TCF4: variants seen among roughly 807,000 people sequenced by gnomAD.
TCF4 encodes transcription factor 4.
In TCF4, 3 loss-of-function variants were observed where a neutral mutation model predicts 82.1. The observed-to-expected ratio is 0.04, with a 90% CI of 0.02 to 0.09. TCF4 has a LOEUF of 0.09. Among genes scored for constraint, TCF4 ranks in the 10% least tolerant of loss-of-function variants. TCF4 has a pLI of 1.00. For synonymous variants in TCF4, 276 were observed against 309.6 expected (o/e 0.89, Z 1.14); for missense variants, 518 against 852.7 (o/e 0.61, Z 4.89).
At chr18:55,634,206 T>C (rs1305272104) in intron 1 of TCF4, among the ~76,000 whole-genome samples, 3 of 151,990 alleles carry the variant, frequency 2.0e-5, no homozygotes, top group Non-Finnish European at 4.4e-5. Flanking sequence ...GAGGTGGAGG[T>C]TGCAGTGAGC....
chr18:55,279,740 A>C, intron 8 of TCF4, 84 bp from the exon 9 acceptor site: 3 of 1,591,724 alleles, frequency 1.9e-6, no homozygotes, highest in Non-Finnish European at 2.6e-6. Flanking sequence ...AAGTAGGCAG[A>C]AAGTGCTACA....
chr18:55,588,187 AT>A lies in TCF4; in HGVS notation c.-171del. On this transcript the variant is annotated 5_prime_UTR_variant, in exon 1 of 20. Transcript: ENST00000354452. ...GCCGCCGCCGCCGCCGCCACTACAG[AT>A]CCGCAGACACACAGCCAAGATCCCT... The A allele has an allele frequency of 8.5e-7, 1 of 1,183,412 alleles. No homozygotes were observed. The highest frequency in any genetic ancestry group is 3.1e-5 in the South Asian group (1 of 32,010). 73.3% of individuals were successfully genotyped at this position (1,183,412 alleles called of 1,614,324 possible).
At chr18:55,420,723 C>T (rs1385443962) in intron 5 of TCF4, among the ~76,000 whole-genome samples, 2 of 152,066 alleles carry the variant, frequency 1.3e-5, no homozygotes, top group Non-Finnish European at 2.9e-5. Context: ...GACTAACCTG[C>T]TTTTTCACTT....
rs537369903 is a variant in TCF4 at position 55,470,534 on chromosome 18, A to T, written c.146-6397T>A. 7.9e-5 allele frequency among the ~76,000 whole-genome samples: 12 copies of T among 152,348 alleles called. No homozygotes were observed. In the South Asian group the frequency reaches 2.5e-3, roughly 32 times the overall value. ...TGTAATACACAAATGACATGTTGTC[A>T]GAAGTTATGTATGCTGATCAGAGTC... On this transcript the variant is annotated intron_variant, in intron 3 of 19. Coordinates refer to ENST00000354452, the MANE Select transcript of TCF4 (RefSeq NM_001083962.2).
chr18:55,454,964 A>G (rs2095706733), intron 5 of TCF4, among the ~76,000 whole-genome samples: 1 of 152,084 alleles, frequency 6.6e-6, no homozygotes, highest in Non-Finnish European at 1.5e-5. Flanking sequence ...AAGCAGGCAG[A>G]TCACTTCAGG....
At chr18:55,474,350 G>GA (rs1278196040) in intron 3 of TCF4, among the ~76,000 whole-genome samples, 2 of 151,992 alleles carry the variant, frequency 1.3e-5, no homozygotes, top group Non-Finnish European at 2.9e-5. Flanking sequence ...TTTGTGGTAC[G>GA]AAAAAAATAT....
At chr18:55,504,717 T>C (rs2096735126) in intron 3 of TCF4, among the ~76,000 whole-genome samples, 1 of 152,330 alleles carries the variant, frequency 6.6e-6, no homozygotes. Context: ...CCTCTCTGCA[T>C]CTGCCCCATA....
intron 8 of TCF4, among the ~76,000 whole-genome samples, chr18:55,305,699 T>C (rs547675215): frequency 6.6e-6 from 1 of 152,322 alleles, no homozygotes; most frequent in South Asian, 2.1e-4. Context: ...TTATTACCAA[T>C]GCTTACGATT....
rs764305510 is a variant in TCF4, at chr18:55,254,716, T to C, written c.1147-16A>G. 1 of 1,595,350 alleles carries C rather than the reference T, an allele frequency of 6.3e-7. No individual in the cohort carries two copies. Among genetic ancestry groups the C allele is most frequent in the Non-Finnish European group, 8.5e-7 (1 of 1,170,088 alleles). On this transcript the variant is annotated splice_polypyrimidine_tract_variant and intron_variant, in intron 14 of 19. Transcript: ENST00000354452. Reference sequence around the variant, plus strand: ...TTCGGCTTTGCTGTTGGTTAACAAATGATGTAAAATTTGATTTAGTTCAAA... The same window carrying C: ...TTCGGCTTTGCTGTTGGTTAACAAACGATGTAAAATTTGATTTAGTTCAAA...
At chr18:55,272,117 G>C (rs2060510201) in intron 10 of TCF4, among the ~76,000 whole-genome samples, 1 of 152,102 alleles carries the variant, frequency 6.6e-6, no homozygotes. Context: ...AGTAATTTGG[G>C]ATTTGACAAA....
chr18:55,350,853 TCAAA>T lies in TCF4; in HGVS notation c.499+17_499+20del, dbSNP rs1350022861. 1.9e-6 allele frequency: 3 copies of T among 1,612,804 alleles called. No homozygotes were observed. Among genetic ancestry groups the T allele is most frequent in the South Asian group, 2.2e-5 (2 of 91,050 alleles). ...AAAGGCATAATCATCCCTCAGGCAT[TCAAA>T]CAAAGGAATACCTTACCCATGGCAC... On this transcript the variant is annotated intron_variant, in intron 7 of 19. Coordinates refer to ENST00000354452, the MANE Select transcript of TCF4 (RefSeq NM_001083962.2).
intron 5 of TCF4, among the ~76,000 whole-genome samples, chr18:55,453,190 C>CCCTT (rs1223658727): frequency 1.3e-5 from 2 of 151,740 alleles, no homozygotes; most frequent in African/African-American, 2.4e-5. Flanking sequence ...ACTCAACTCA[C>CCCTT]CCTTCCCCTT....
At chr18:55,334,770 T>C (rs370497064) in intron 8 of TCF4, among the ~76,000 whole-genome samples, 41 of 152,250 alleles carry the variant, frequency 2.7e-4, no homozygotes, top group Middle Eastern at 3.4e-3. Flanking sequence ...AATCCTAGCT[T>C]AGAGAAAAGT....
chr18:55,240,670 C>A (rs1301520048), intron 15 of TCF4, among the ~76,000 whole-genome samples: 3 of 152,192 alleles, frequency 2.0e-5, no homozygotes, highest in Non-Finnish European at 4.4e-5. Flanking sequence ...GAAAACAAGA[C>A]CTACCTCTAA....
Position 55,225,812 on chromosome 18 carries a change from ATC to A in TCF4, c.*2221_*2222del, listed in dbSNP as rs2046517863. 1 of 152,614 alleles carries A rather than the reference ATC, an allele frequency of 6.6e-6. No homozygotes were observed. The highest frequency in any genetic ancestry group is 1.5e-5 in the Non-Finnish European group (1 of 68,000). 9.5% of individuals were successfully genotyped at this position (152,614 alleles called of 1,614,324 possible). Reference sequence around the variant, plus strand: ...ATCCACCTCCACATTTTAGGAACTTATCAACAAATCAAAGTTATTTTAGTTTT... The same window carrying A: ...ATCCACCTCCACATTTTAGGAACTTAAACAAATCAAAGTTATTTTAGTTTT... On this transcript the variant is annotated 3_prime_UTR_variant, in exon 20 of 20. Transcript: ENST00000354452.
intron 3 of TCF4, among the ~76,000 whole-genome samples, chr18:55,516,714 G>A (rs1026088131): frequency 6.6e-6 from 1 of 152,158 alleles, no homozygotes; most frequent in Non-Finnish European, 1.5e-5. Flanking sequence ...GTTCCTAACA[G>A]AAAGGATAAC....
chr18:55,244,940 C>CT (rs1295765931), intron 15 of TCF4, among the ~76,000 whole-genome samples: 2 of 152,190 alleles, frequency 1.3e-5, no homozygotes, highest in Non-Finnish European at 2.9e-5. Flanking sequence ...CAATTAACTG[C>CT]TTTAAAATGA....
chr18:55,317,359 G>A (rs1258753251), intron 8 of TCF4, among the ~76,000 whole-genome samples: 2 of 151,844 alleles, frequency 1.3e-5, no homozygotes, highest in African/African-American at 4.8e-5. Flanking sequence ...AAAAATAAAA[G>A]CATTTATACT....
At chr18:55,347,609 G>C (rs1361506407) in intron 8 of TCF4, among the ~76,000 whole-genome samples, 2 of 152,178 alleles carry the variant, frequency 1.3e-5, no homozygotes, top group Non-Finnish European at 2.9e-5. Context: ...TCAAAACAGG[G>C]CTAGGCAATC....
Sources: gnomAD v4.1 joint callset for allele counts (sites outside exome capture counted in the v4.1 genomes callset) on GRCh38, gnomAD v4.1.1 for gene constraint, MANE v1.5 for transcripts, NCBI Gene and HGNC (gene_info 2026-07-23, HGNC 2026-07-21) for gene names.